Variants in SNRNP70 observed in about 807,000 individuals in gnomAD.
SNRNP70 encodes the protein small nuclear ribonucleoprotein U1 subunit 70.
In SNRNP70, 8 loss-of-function variants were observed where a neutral mutation model predicts 50.5. The ratio of observed to expected loss-of-function variants is 0.16; its 90% CI spans 0.09 to 0.29. The LOEUF is 0.29. Ranked by LOEUF, SNRNP70 falls within the 10% of genes least tolerant of loss-of-function variation. The pLI, the probability that SNRNP70 is intolerant of heterozygous loss-of-function variation, is 1.00. For missense variants in SNRNP70, 529 were observed against 663.5 expected, an observed-to-expected ratio of 0.80 and a Z score of 2.23; for synonymous variants, 320 against 252.9, an observed-to-expected ratio of 1.27 and a Z score of -2.52.
At chr19:49,088,199 CTTTT>C (rs34075997) in intron 2 of SNRNP70, among the ~76,000 whole-genome samples, 4 of 94,886 alleles carry the variant, frequency 4.2e-5, no homozygotes, top group African/African-American at 1.2e-4. Context: ...GAGCCAGGTA[CTTTT>C]TTTTTTTTTT....
intron 4 of SNRNP70, among the ~76,000 whole-genome samples, chr19:49,093,072 G>A (rs1384384037): frequency 2.7e-5 from 4 of 150,738 alleles, no homozygotes; most frequent in African/African-American, 9.7e-5. Context: ...GAGCCACCAT[G>A]CCCAGCCAAA....
intron 4 of SNRNP70, among the ~76,000 whole-genome samples, chr19:49,095,317 C>T (rs1049847474): frequency 1.3e-5 from 2 of 152,360 alleles, no homozygotes; most frequent in African/African-American, 4.8e-5. Context: ...TCATGCTCCA[C>T]AGTAACTGTT....
intron 7 of SNRNP70, chr19:49,103,207 CCTT>C (rs1166197392): frequency 1.3e-5 from 2 of 152,536 alleles, no homozygotes; most frequent in Non-Finnish European, 2.9e-5. Context: ...GCCTCCCTAG[CCTT>C]CTTTGTAAAT....
At chr19:49,100,756 A>C (rs1161301962) in intron 6 of SNRNP70, among the ~76,000 whole-genome samples, 1 of 147,216 alleles carries the variant, frequency 6.8e-6, no homozygotes, top group Non-Finnish European at 1.5e-5. Context: ...CAGTGAGCTG[A>C]GATTGAGCCA....
chr19:49,102,302 C>T (rs1398520368), intron 7 of SNRNP70: 9 of 506,270 alleles, frequency 1.8e-5, no homozygotes, highest in Admixed American at 1.3e-4. Context: ...CCTCCCCGCA[C>T]CCATGGCCCT....
intron 6 of SNRNP70, among the ~76,000 whole-genome samples, chr19:49,099,707 C>A (rs944337091): frequency 1.3e-5 from 2 of 151,316 alleles, no homozygotes; most frequent in Non-Finnish European, 2.9e-5. Flanking sequence ...CCACTGTACT[C>A]CAGCCTGGGC....
intron 2 of SNRNP70, 103 bp downstream of exon 2, chr19:49,086,664 C>A: frequency 3.7e-6 from 4 of 1,076,026 alleles, no homozygotes; most frequent in Non-Finnish European, 2.8e-6. Flanking sequence ...GTGATTTAAG[C>A]GAGGGGCTTA....
chr19:49,091,072 T>C (rs141167215), intron 4 of SNRNP70, among the ~76,000 whole-genome samples: 5 of 152,176 alleles, frequency 3.3e-5, no homozygotes, highest in Non-Finnish European at 7.4e-5. Context: ...GGTGATCCTA[T>C]AAGATTATAT....
chr19:49,106,755 A>C (rs1022126445), intron 8 of SNRNP70, among the ~76,000 whole-genome samples: 3 of 152,184 alleles, frequency 2.0e-5, no homozygotes, highest in Non-Finnish European at 4.4e-5. Context: ...CCCCATCAGA[A>C]CCATGAGGTT....
rs747253740 is a variant in SNRNP70 at position 49,098,594 on chromosome 19, T to G, written c.331-48T>G. The stretch of plus-strand genomic sequence containing the variant: ...GTACAGGGGAATGTTCCAGGGGCTG[T>G]GGGACAGCTCTGTTCTCCCATTTAA... On this transcript the variant is annotated intron_variant, in intron 5 of 9. Transcript: ENST00000598441. 4.4e-6 allele frequency: 7 copies of G among 1,599,732 alleles called. No homozygotes were observed. In the Admixed American group the frequency reaches 8.3e-5, roughly 19 times the overall value.
intron 4 of SNRNP70, among the ~76,000 whole-genome samples, chr19:49,097,499 G>C (rs1425237107): frequency 6.6e-6 from 1 of 152,154 alleles, no homozygotes; most frequent in Non-Finnish European, 1.5e-5. Context: ...TTTCACACGT[G>C]TCTGCAATTC....
In SNRNP70 at chr19:49,108,453, C is replaced by T. The variant is rs757153243; in HGVS notation, c.*10C>T. On this transcript the variant is annotated 3_prime_UTR_variant, in exon 10 of 10. Coordinates refer to ENST00000598441, the MANE Select transcript of SNRNP70 (RefSeq NM_003089.6). ...GGCTGCGCCGGAGTGAAGAGGTCGT[C>T]CTCTCCATCTGCTGTGTTTGGACGC... is the stretch of plus-strand genomic sequence containing the variant. The T allele has an allele frequency of 1.1e-5, 17 of 1,586,292 alleles. No homozygotes were observed. Among genetic ancestry groups the T allele is most frequent in the South Asian group, 8.0e-5 (7 of 86,990 alleles).
chr19:49,098,541 G>A (rs1405949992), intron 5 of SNRNP70, 50 bp downstream of exon 5: 1 of 1,601,508 alleles, frequency 6.2e-7, no homozygotes, highest in African/African-American at 1.3e-5. Context: ...TGAGAGCCTG[G>A]GTCTGGCACA....
intron 4 of SNRNP70, among the ~76,000 whole-genome samples, chr19:49,096,849 G>C (rs1349998776): frequency 6.6e-6 from 1 of 151,598 alleles, no homozygotes; most frequent in African/African-American, 2.4e-5. Flanking sequence ...AACAAATCTG[G>C]CGGGACGCGG....
In SNRNP70 at chr19:49,101,427, G is replaced by A. The variant is rs949143403; in HGVS notation, c.431G>A (p.Arg144His). 1.9e-6 allele frequency: 3 copies of A among 1,613,898 alleles called. No homozygotes were observed. Among genetic ancestry groups the A allele is most frequent in the Non-Finnish European group, 2.5e-6 (3 of 1,179,950 alleles). The stretch of plus-strand genomic sequence containing the variant: ...TACAGTAAGCGGTCAGGAAAGCCCC[G>A]TGGCTATGCCTTCATCGAGTACGAA... The part of the protein sequence containing the change: ...MVYSKRSGKP[R>H]GYAFIEYEHE... Residue 144 changes from arginine (R) to histidine (H), a missense_variant, in exon 7 of 10, where the codon CGT becomes CAT. Coordinates refer to ENST00000598441, the MANE Select transcript of SNRNP70 (RefSeq NM_003089.6).
chr19:49,087,192 A>G (rs1010811952), intron 2 of SNRNP70, among the ~76,000 whole-genome samples: 2 of 151,612 alleles, frequency 1.3e-5, no homozygotes, highest in Admixed American at 6.6e-5. Flanking sequence ...AAAAAAAAAA[A>G]AAAAAAGTGG....
At chr19:49,102,216 C>A in intron 7 of SNRNP70, 1 of 1,280,030 alleles carries the variant, frequency 7.8e-7, no homozygotes, top group Non-Finnish European at 1.0e-6. Context: ...CACTCAGCAC[C>A]GCACACCAGC....
chr19:49,086,405 A>G lies in SNRNP70; in HGVS notation c.-10A>G, dbSNP rs1457260733. The G allele has an allele frequency of 4.3e-6, 7 of 1,611,698 alleles. No individual in the cohort carries two copies. Among genetic ancestry groups the G allele is most frequent in the Non-Finnish European group, 5.9e-6 (7 of 1,178,712 alleles). ...AAGGCTGTCCTGCTTCTGCTCTCAG[A>G]CTTGGCAAGATGACCCAGTTCCTGC... On this transcript the variant is annotated splice_region_variant and 5_prime_UTR_variant, in exon 2 of 10. Transcript: ENST00000598441.
intron 7 of SNRNP70, chr19:49,101,759 C>T: frequency 2.2e-6 from 1 of 452,618 alleles, no homozygotes; most frequent in Non-Finnish European, 4.1e-6. Flanking sequence ...CTGGGGCCAG[C>T]TGGAGGTGGG....
Sources: allele counts gnomAD v4.1 joint callset (sites outside exome capture counted in the v4.1 genomes callset), GRCh38; gene constraint gnomAD v4.1.1; transcripts MANE v1.5; gene names NCBI Gene and HGNC (gene_info 2026-07-23, HGNC 2026-07-21).